The following AP2B1 variants were observed in gnomAD, a reference collection of about 807,000 sequenced individuals.
AP2B1 encodes AP-2 complex subunit beta.
Under a neutral mutation model 102.0 loss-of-function variants are expected in AP2B1, and 23 were observed. The observed-to-expected ratio is 0.23, with a 90% CI of 0.16 to 0.32. The LOEUF is 0.32. Ranked by LOEUF, AP2B1 falls within the 10% of genes least tolerant of loss-of-function variation. The probability of loss-of-function intolerance (pLI) is 1.00; values close to 1 mark genes in which losing one functional copy is unlikely to be tolerated. For synonymous variants in AP2B1, 381 were observed against 421.2 expected (o/e 0.90, Z 1.17); for missense variants, 541 against 1,157.4 (o/e 0.47, Z 7.73).
In AP2B1 at chr17:35,635,497, C is replaced by T. The variant is rs553216360; in HGVS notation, c.1156-844C>T. 2.2e-4 allele frequency among the ~76,000 whole-genome samples: 34 copies of T among 152,246 alleles called. No individual in the cohort carries two copies. In the South Asian group the frequency reaches 3.3e-3, roughly 15 times the overall value. ...CCTCCTGGATTCAAGCAATTCTCTG[C>T]GTCAGCCTCCGGAGTAGCTGGGATT... On this transcript the variant is annotated intron_variant, in intron 9 of 21. Transcript: ENST00000610402.
chr17:35,653,996 T>C (rs555518306), intron 13 of AP2B1, among the ~76,000 whole-genome samples: 3 of 152,206 alleles, frequency 2.0e-5, no homozygotes, highest in Non-Finnish European at 4.4e-5. Context: ...AGTTTTTGTT[T>C]GTGTCAAAAT....
intron 2 of AP2B1, chr17:35,597,054 G>A: frequency 1.7e-6 from 1 of 575,206 alleles, no homozygotes; most frequent in Non-Finnish European, 3.2e-6. Context: ...GGGGGCCGTG[G>A]CCGGGGGCGA....
intron 13 of AP2B1, among the ~76,000 whole-genome samples, chr17:35,653,110 CCTTT>C (rs999462612): frequency 2.6e-5 from 4 of 152,032 alleles, no homozygotes; most frequent in Admixed American, 6.6e-5. Flanking sequence ...CAATCTGAAC[CCTTT>C]CTTTCTGTGT....
In AP2B1 at chr17:35,707,457, C is replaced by CCT. The variant is rs587630982; in HGVS notation, c.2455-1767_2455-1766insCT. 8.5e-3 allele frequency among the ~76,000 whole-genome samples: 1,125 copies of CCT among 132,370 alleles called. 9 individuals carry two copies. The highest frequency in any genetic ancestry group is 0.027 in the African/African-American group (927 of 34,486). The allele number at this position is 132,370 out of a possible 152,430, so 86.8% of individuals were successfully genotyped here. A position where few individuals can be genotyped will look rare whatever the true frequency, so the allele number is the denominator to read the frequency against. ...TGAGCCACCGTGCCCGGCTTCCCCC[C>CCT]TTTTTTTTTTTTTTTGACAGAGTCT... On this transcript the variant is annotated intron_variant, in intron 18 of 21. Transcript: ENST00000610402.
At chr17:35,603,087 G>A (rs1345255613) in intron 3 of AP2B1, among the ~76,000 whole-genome samples, 1 of 152,200 alleles carries the variant, frequency 6.6e-6, no homozygotes, top group Non-Finnish European at 1.5e-5. Flanking sequence ...TGGAGATATG[G>A]TGGATTCTTT....
chr17:35,598,191 G>GGTACTGGA, intron 2 of AP2B1, 39 bp from the exon 3 acceptor site: 1 of 1,309,852 alleles, frequency 7.6e-7, no homozygotes, highest in Non-Finnish European at 1.1e-6. Flanking sequence ...CTAAGTCTGT[G>GGTACTGGA]GTACTGGAAC....
At position 35,683,324 on chromosome 17, in the gene AP2B1, C is replaced by A. The variant is rs181164920; in HGVS notation, c.2454+500C>A. ...AAAAGTCATGCATGACATAGATATTCATTCTTTTACTCAACAAACACTTAG... is the reference window on the plus strand; with the variant it reads ...AAAAGTCATGCATGACATAGATATTAATTCTTTTACTCAACAAACACTTAG... On this transcript the variant is annotated intron_variant, in intron 18 of 21. Coordinates refer to ENST00000610402, the MANE Select transcript of AP2B1 (RefSeq NM_001030006.2). 7.2e-4 allele frequency among the ~76,000 whole-genome samples: 109 copies of A among 152,270 alleles called. 1 individual carries two copies. Among genetic ancestry groups the A allele is most frequent in the African/African-American group, 2.5e-3 (104 of 41,552 alleles).
At chr17:35,643,228 C>T (rs1286261217) in intron 12 of AP2B1, among the ~76,000 whole-genome samples, 2 of 151,702 alleles carry the variant, frequency 1.3e-5, no homozygotes, top group African/African-American at 2.4e-5. Flanking sequence ...AGAAGGTTTA[C>T]GAATTTGTAT....
At chr17:35,589,281 T>C (rs2073006150) in intron 1 of AP2B1, among the ~76,000 whole-genome samples, 1 of 152,182 alleles carries the variant, frequency 6.6e-6, no homozygotes, top group Non-Finnish European at 1.5e-5. Context: ...AATAAAAGAT[T>C]ACTGGAATGA....
intron 17 of AP2B1, among the ~76,000 whole-genome samples, chr17:35,679,326 T>C (rs1468264509): frequency 5.9e-5 from 9 of 152,108 alleles, no homozygotes; most frequent in Admixed American, 4.6e-4. Context: ...GTTTTCTCTT[T>C]AGAAGGTGGT....
chr17:35,720,937 A>G (rs1555592887), intron 21 of AP2B1, among the ~76,000 whole-genome samples: 1 of 152,104 alleles, frequency 6.6e-6, no homozygotes. Flanking sequence ...GAGGGGTATC[A>G]GAGGTATCTG....
At chr17:35,616,226 G>A (rs1426778074) in intron 5 of AP2B1, among the ~76,000 whole-genome samples, 2 of 120,850 alleles carry the variant, frequency 1.7e-5, no homozygotes, top group African/African-American at 3.2e-5. Context: ...GTGCAGTGGC[G>A]CGATCTCGGC....
chr17:35,709,918 T>A (rs1017775604), intron 19 of AP2B1, among the ~76,000 whole-genome samples: 2 of 152,162 alleles, frequency 1.3e-5, no homozygotes, highest in African/African-American at 4.8e-5. Flanking sequence ...GCTCTTGGAG[T>A]AGGCAGGACA....
intron 3 of AP2B1, among the ~76,000 whole-genome samples, chr17:35,599,493 A>G (rs1318301210): frequency 1.3e-5 from 2 of 152,236 alleles, no homozygotes; most frequent in African/African-American, 4.8e-5. Context: ...AATGATTGTG[A>G]TTATTTGCTG....
chr17:35,704,562 T>C lies in AP2B1; in HGVS notation c.2455-4662T>C, dbSNP rs2076302044. On this transcript the variant is annotated intron_variant, in intron 18 of 21. Transcript: ENST00000610402. ...CCTCCACTCAAGGAGCTCATTGTATTATAGGTGAGCCGGAAGTAAGCCATT... is the reference window on the plus strand; with the variant it reads ...CCTCCACTCAAGGAGCTCATTGTATCATAGGTGAGCCGGAAGTAAGCCATT... Among the ~76,000 whole-genome samples the C allele has an allele frequency of 3.3e-5, 5 of 152,184 alleles. No homozygotes were observed. The South Asian group carries it at 1.0e-3, about 32-fold the overall frequency.
rs575148112 is a variant in AP2B1 at position 35,607,863 on chromosome 17, T to C, written c.280-279T>C. ...GTAGATCCTAATGGCTGTGGGATGG[T>C]ACGAACTCCCTAAACCTCTGCCTGG... On this transcript the variant is annotated intron_variant, in intron 4 of 21. Transcript: ENST00000610402. 1.8e-5 allele frequency: 6 copies of C among 337,882 alleles called. No individual in the cohort carries two copies. The East Asian group carries it at 3.6e-4, about 20-fold the overall frequency. 20.9% of individuals were successfully genotyped at this position (337,882 alleles called of 1,614,324 possible). A position where few individuals can be genotyped will look rare whatever the true frequency, so the allele number is the denominator to read the frequency against.
chr17:35,627,204 G>A (rs1394170621), intron 7 of AP2B1, among the ~76,000 whole-genome samples, 181 bp from the exon 8 acceptor site: 1 of 146,542 alleles, frequency 6.8e-6, no homozygotes, highest in African/African-American at 2.5e-5. Flanking sequence ...AATCTGCCAA[G>A]TGGAACTGAT....
At chr17:35,684,006 A>T (rs923167019) in intron 18 of AP2B1, among the ~76,000 whole-genome samples, 6 of 152,240 alleles carry the variant, frequency 3.9e-5, no homozygotes, top group African/African-American at 1.4e-4. Context: ...TACACTACTT[A>T]TGTAGGTGTA....
intron 18 of AP2B1, among the ~76,000 whole-genome samples, chr17:35,707,457 C>CTTTT (rs35397924): frequency 7.6e-6 from 1 of 132,368 alleles, no homozygotes; most frequent in African/African-American, 2.9e-5. Context: ...GGCTTCCCCC[C>CTTTT]TTTTTTTTTT....
Sources: gnomAD v4.1 joint callset for allele counts (sites outside exome capture counted in the v4.1 genomes callset) on GRCh38, gnomAD v4.1.1 for gene constraint, MANE v1.5 for transcripts, NCBI Gene and HGNC (gene_info 2026-07-23, HGNC 2026-07-21) for gene names.